The following MATCAP2 variants were observed in gnomAD, a reference collection of about 807,000 sequenced individuals.
MATCAP2 encodes the protein putative tyrosine carboxypeptidase MATCAP2.
the MATCAP2 span, among the ~76,000 whole-genome samples, chr7:36,388,004 A>G: frequency 6.6e-6 from 1 of 152,332 alleles, no homozygotes; most frequent in Admixed American, 6.5e-5. Context: ...TAATAATTCC[A>G]TATACTACAC....
At chr7:36,328,862 G>A in the MATCAP2 span, among the ~76,000 whole-genome samples, 3,843 of 152,080 alleles carry the variant, frequency 0.025, 256 homozygotes, top group East Asian at 0.23. Flanking sequence ...TGACCAACAC[G>A]GAGAAACCCT....
the MATCAP2 span, chr7:36,390,149 T>C: frequency 3.8e-6 from 6 of 1,586,444 alleles, no homozygotes; most frequent in Non-Finnish European, 5.2e-6. Flanking sequence ...GGAGGGCGCG[T>C]GTGTGCGCGC....
chr7:36,383,518 A>G, the MATCAP2 span, among the ~76,000 whole-genome samples: 1 of 152,226 alleles, frequency 6.6e-6, no homozygotes, highest in Non-Finnish European at 1.5e-5. Context: ...TTGCAGGGAC[A>G]TGGATGAAGC....
the MATCAP2 span, among the ~76,000 whole-genome samples, chr7:36,383,008 C>T: frequency 1.3e-5 from 2 of 152,046 alleles, no homozygotes; most frequent in African/African-American, 4.8e-5. Context: ...GAATAAAGGA[C>T]TTATGCCTGT....
chr7:36,384,973 T>A, the MATCAP2 span, among the ~76,000 whole-genome samples: 2 of 152,052 alleles, frequency 1.3e-5, no homozygotes, highest in African/African-American at 4.8e-5. Flanking sequence ...AAGGATATTA[T>A]TGGATATCAT....
chr7:36,381,063 A>G, the MATCAP2 span, among the ~76,000 whole-genome samples: 1 of 152,172 alleles, frequency 6.6e-6, no homozygotes, highest in Non-Finnish European at 1.5e-5. Flanking sequence ...CAAGGTTAAC[A>G]CCTGGGTATA....
the MATCAP2 span, among the ~76,000 whole-genome samples, chr7:36,365,159 TATTA>T: frequency 6.6e-6 from 1 of 152,230 alleles, no homozygotes; most frequent in Non-Finnish European, 1.5e-5. Flanking sequence ...CTAATACTAA[TATTA>T]ATTTATTTGT....
the MATCAP2 span, chr7:36,356,983 A>G: frequency 6.2e-7 from 1 of 1,614,178 alleles, no homozygotes; most frequent in Non-Finnish European, 8.5e-7. Context: ...CAAACTGAGG[A>G]TTGTAGGTAT....
chr7:36,331,635 T>C, the MATCAP2 span, among the ~76,000 whole-genome samples: 1 of 152,064 alleles, frequency 6.6e-6, no homozygotes, highest in African/African-American at 2.4e-5. Flanking sequence ...TGTAAACAAC[T>C]AGAACTAGAT....
At chr7:36,361,091 G>C in the MATCAP2 span, among the ~76,000 whole-genome samples, 8 of 152,130 alleles carry the variant, frequency 5.3e-5, no homozygotes, top group African/African-American at 1.9e-4. Flanking sequence ...AAAATTGATA[G>C]TCTATTCGCA....
At chr7:36,364,511 G>A in the MATCAP2 span, among the ~76,000 whole-genome samples, 1 of 152,062 alleles carries the variant, frequency 6.6e-6, no homozygotes, top group Non-Finnish European at 1.5e-5. Context: ...TATTATATAG[G>A]AAGGATTTCA....
At chr7:36,336,176 A>G in the MATCAP2 span, 1 of 1,536,352 alleles carries the variant, frequency 6.5e-7, no homozygotes, top group East Asian at 2.4e-5. Flanking sequence ...GCCTTCCTTC[A>G]TCATGTACTT....
chr7:36,345,678 T>A, the MATCAP2 span, among the ~76,000 whole-genome samples: 1 of 152,168 alleles, frequency 6.6e-6, no homozygotes, highest in Admixed American at 6.5e-5. Flanking sequence ...TGGACCTCTA[T>A]CCCATATCAT....
the MATCAP2 span, among the ~76,000 whole-genome samples, chr7:36,375,208 CCTGA>C: frequency 6.6e-6 from 1 of 152,146 alleles, no homozygotes; most frequent in African/African-American, 2.4e-5. Flanking sequence ...CCTGTTGTTT[CCTGA>C]CTTTTTAATG....
At chr7:36,381,866 G>A in the MATCAP2 span, among the ~76,000 whole-genome samples, 1 of 152,072 alleles carries the variant, frequency 6.6e-6, no homozygotes, top group Non-Finnish European at 1.5e-5. Context: ...AAGGATTAAT[G>A]AAAGAATAAA....
At chr7:36,324,975 A>G in the MATCAP2 span, 3 of 152,248 alleles carry the variant, frequency 2.0e-5, no homozygotes, top group African/African-American at 7.2e-5. Flanking sequence ...TCCCTGTGAA[A>G]GTTGAATTTA....
At chr7:36,362,931 T>C in the MATCAP2 span, among the ~76,000 whole-genome samples, 1 of 152,216 alleles carries the variant, frequency 6.6e-6, no homozygotes, top group Admixed American at 6.5e-5. Context: ...ATTTGTTGTA[T>C]GACAGACTTC....
At chr7:36,332,355 T>C in the MATCAP2 span, among the ~76,000 whole-genome samples, 8 of 152,160 alleles carry the variant, frequency 5.3e-5, no homozygotes, top group Non-Finnish European at 7.3e-5. Flanking sequence ...GTTCAGTATA[T>C]CAACAAATTT....
At chr7:36,383,858 C>G in the MATCAP2 span, 1 of 1,595,664 alleles carries the variant, frequency 6.3e-7, no homozygotes, top group Middle Eastern at 1.7e-4. Flanking sequence ...AGCCAAATAA[C>G]CTGAGGTAGA....
Sources: allele counts gnomAD v4.1 joint callset (sites outside exome capture counted in the v4.1 genomes callset), GRCh38; gene constraint gnomAD v4.1.1; transcripts MANE v1.5; gene names NCBI Gene and HGNC (gene_info 2026-07-23, HGNC 2026-07-21).